Variants in DLG2 observed in about 807,000 individuals in gnomAD.
The protein encoded by DLG2 is discs large MAGUK scaffold protein 2.
DLG2 carries 45 observed loss-of-function variants against 132.5 expected under a neutral mutation model. The ratio of observed to expected loss-of-function variants is 0.34; its 90% CI spans 0.27 to 0.44. The LOEUF is 0.44. Ranked by LOEUF, DLG2 falls within the 20% of genes least tolerant of loss-of-function variation. The pLI, the probability that DLG2 is intolerant of heterozygous loss-of-function variation, is 1.00. For missense variants in DLG2, 1,045 were observed against 1,196.9 expected, an observed-to-expected ratio of 0.87 and a Z score of 1.87; for synonymous variants, 424 against 419.6, an observed-to-expected ratio of 1.01 and a Z score of -0.13.
intron 11 of DLG2, among the ~76,000 whole-genome samples, chr11:84,012,437 C>T (rs2094938304): frequency 6.6e-6 from 1 of 152,148 alleles, no homozygotes; most frequent in African/African-American, 2.4e-5. Flanking sequence ...CATCCACTGA[C>T]CTTGACCACT....
intron 3 of DLG2, among the ~76,000 whole-genome samples, chr11:85,517,597 T>C (rs527320884): frequency 1.3e-5 from 2 of 152,044 alleles, no homozygotes; most frequent in East Asian, 1.9e-4. Context: ...TAAAAATCAG[T>C]AGCATTTCTT....
intron 14 of DLG2, among the ~76,000 whole-genome samples, chr11:83,945,505 C>T (rs746441682): frequency 1.4e-4 from 21 of 152,126 alleles, no homozygotes; most frequent in Non-Finnish European, 2.5e-4. Flanking sequence ...TGTTGATGCT[C>T]AGGGTGAGCT....
chr11:83,657,028 C>T (rs2072697986), intron 18 of DLG2, among the ~76,000 whole-genome samples: 1 of 152,190 alleles, frequency 6.6e-6, no homozygotes, highest in Non-Finnish European at 1.5e-5. Context: ...GTGCAAATGC[C>T]ACCTCCTCTA....
At chr11:84,397,259 C>T (rs1013070238) in intron 7 of DLG2, among the ~76,000 whole-genome samples, 28 of 152,178 alleles carry the variant, frequency 1.8e-4, no homozygotes, top group Non-Finnish European at 3.5e-4. Context: ...TCTCTTTAAA[C>T]TTCTTAAGGG....
chr11:84,974,557 G>A (rs1484775234), intron 6 of DLG2, among the ~76,000 whole-genome samples: 2 of 152,188 alleles, frequency 1.3e-5, no homozygotes, highest in African/African-American at 2.4e-5. Context: ...ACTGTGTGAA[G>A]GGAATAAATG....
At chr11:85,566,552 C>T (rs949231243) in intron 3 of DLG2, among the ~76,000 whole-genome samples, 5 of 152,026 alleles carry the variant, frequency 3.3e-5, no homozygotes, top group Non-Finnish European at 7.4e-5. Flanking sequence ...CTGATGAGGG[C>T]TCTCTTCAGG....
At chr11:83,485,007 G>A (rs2093413659) in intron 21 of DLG2, among the ~76,000 whole-genome samples, 1 of 152,106 alleles carries the variant, frequency 6.6e-6, no homozygotes, top group Non-Finnish European at 1.5e-5. Flanking sequence ...GTTGGTGACA[G>A]CCATGAGGCA....
intron 3 of DLG2, among the ~76,000 whole-genome samples, chr11:85,355,430 T>C (rs866186669): frequency 4.9e-4 from 74 of 152,234 alleles, no homozygotes; most frequent in African/African-American, 1.6e-3. Flanking sequence ...ACATACTCCC[T>C]GTGAATTTAA....
At chr11:84,337,833 C>T (rs1455949285) in intron 7 of DLG2, among the ~76,000 whole-genome samples, 3 of 152,158 alleles carry the variant, frequency 2.0e-5, no homozygotes, top group Non-Finnish European at 4.4e-5. Flanking sequence ...GAAAGTTTCT[C>T]TCCAACATAC....
At chr11:85,019,012 T>C (rs572906127) in intron 6 of DLG2, among the ~76,000 whole-genome samples, 5 of 152,276 alleles carry the variant, frequency 3.3e-5, no homozygotes, top group African/African-American at 1.2e-4. Context: ...CCACACAGCA[T>C]ACTAATGTAG....
chr11:83,504,169 T>A lies in DLG2; in HGVS notation c.2194-19941A>T, dbSNP rs532564609. On this transcript the variant is annotated intron_variant, in intron 21 of 27. Transcript: ENST00000376104. ...ATCCTTATGACAATTACACTCCTAG[T>A]TTCTGCAGCTGGTCATGTGGTCATA... is the stretch of plus-strand genomic sequence containing the variant. 7.9e-5 allele frequency among the ~76,000 whole-genome samples: 12 copies of A among 152,322 alleles called. No homozygotes were observed. The East Asian group carries it at 2.1e-3, about 27-fold the overall frequency.
intron 15 of DLG2, among the ~76,000 whole-genome samples, chr11:83,893,014 G>A (rs1361192794): frequency 1.3e-4 from 20 of 152,164 alleles, no homozygotes; most frequent in African/African-American, 3.6e-4. Context: ...TAGAGGTACC[G>A]CTCACTGAGT....
chr11:84,341,739 G>A (rs375016711), intron 7 of DLG2, among the ~76,000 whole-genome samples: 1 of 152,346 alleles, frequency 6.6e-6, no homozygotes. Flanking sequence ...CCTGTGTTTT[G>A]CCTTTGGGCA....
intron 3 of DLG2, among the ~76,000 whole-genome samples, chr11:85,525,470 T>C (rs1189350843): frequency 2.0e-5 from 3 of 152,164 alleles, no homozygotes; most frequent in African/African-American, 4.8e-5. Flanking sequence ...AATGTAAAGA[T>C]TTTTAAAGGA....
In DLG2 at chr11:83,593,579, GCACATGTATA is replaced by G. The variant is rs962464041; in HGVS notation, c.1940+39622_1940+39631del. 5.1e-4 allele frequency among the ~76,000 whole-genome samples: 77 copies of G among 150,892 alleles called. No individual in the cohort carries two copies. The Middle Eastern group carries it at 0.01, about 20-fold the overall frequency. The stretch of plus-strand genomic sequence containing the variant: ...TTAGTGGGTGCAGTGCACCAGCATG[GCACATGTATA>G]CATATGTAACTAACCTGCACAATGT... On this transcript the variant is annotated intron_variant, in intron 19 of 27. Transcript: ENST00000376104.
intron 6 of DLG2, among the ~76,000 whole-genome samples, chr11:84,959,197 G>A (rs1320103798): frequency 6.6e-6 from 1 of 152,128 alleles, no homozygotes; most frequent in Admixed American, 6.6e-5. Flanking sequence ...GGATTTCCAT[G>A]GGCTTGGAGG....
intron 15 of DLG2, among the ~76,000 whole-genome samples, chr11:83,908,873 A>G (rs147716642): frequency 1.8e-4 from 28 of 152,270 alleles, no homozygotes; most frequent in African/African-American, 6.0e-4. Flanking sequence ...AGCTAGGACT[A>G]TAGGCCTGTG....
chr11:83,566,274 C>T (rs1434073821), intron 19 of DLG2, among the ~76,000 whole-genome samples: 1 of 152,156 alleles, frequency 6.6e-6, no homozygotes, highest in Non-Finnish European at 1.5e-5. Flanking sequence ...ATCCATTTTC[C>T]TAATAGGTCA....
chr11:83,582,504 C>G (rs544921), intron 19 of DLG2, among the ~76,000 whole-genome samples: 75,746 of 151,998 alleles, frequency 0.5, 19,862 homozygotes, highest in African/African-American at 0.65. Context: ...TTAAGACATT[C>G]TCAGTATCCT....
Sources: allele counts gnomAD v4.1 joint callset (sites outside exome capture counted in the v4.1 genomes callset), GRCh38; gene constraint gnomAD v4.1.1; transcripts MANE v1.5; gene names NCBI Gene and HGNC (gene_info 2026-07-23, HGNC 2026-07-21).